UBE3B: variants seen among roughly 807,000 people sequenced by gnomAD.
The protein encoded by UBE3B is ubiquitin protein ligase E3B, also known as ubiquitin-protein ligase E3B.
A neutral mutation model predicts 132.3 loss-of-function variants in UBE3B; 80 were observed. That is an observed-to-expected ratio of 0.60 (90% CI 0.50 to 0.73). The LOEUF (loss-of-function observed/expected upper bound fraction) is 0.73, where lower values mean the gene tolerates loss of function less well. UBE3B is among the 30% of genes least tolerant of loss of function. The probability of loss-of-function intolerance (pLI) is 0.00; values close to 1 mark genes in which losing one functional copy is unlikely to be tolerated. For synonymous variants in UBE3B, 487 were observed against 520.4 expected (o/e 0.94, Z 0.87); for missense variants, 1,196 against 1,362.5 (o/e 0.88, Z 1.92).
At chr12:109,481,255 A>G (rs1875365343) in intron 1 of UBE3B, among the ~76,000 whole-genome samples, 1 of 151,806 alleles carries the variant, frequency 6.6e-6, no homozygotes, top group African/African-American at 2.4e-5. Context: ...AGCAGAAGTT[A>G]TAGTGAGCTG....
At chr12:109,506,254 T>C (rs923036177) in intron 14 of UBE3B, among the ~76,000 whole-genome samples, 1 of 152,222 alleles carries the variant, frequency 6.6e-6, no homozygotes, top group African/African-American at 2.4e-5. Flanking sequence ...AAGGCAAGGG[T>C]CAGCAGACTA....
intron 15 of UBE3B, 22 bp downstream of exon 15, chr12:109,507,757 T>C (rs759485665): frequency 5.6e-6 from 9 of 1,600,844 alleles, no homozygotes; most frequent in Middle Eastern, 1.9e-4. Context: ...GCTGTGGGAC[T>C]GAATTCCTTT....
chr12:109,508,732 T>C (rs1879986948), intron 15 of UBE3B: 4 of 985,448 alleles, frequency 4.1e-6, no homozygotes, highest in Non-Finnish European at 4.8e-6. Context: ...AAGCCAAGAG[T>C]GAATCTTATT....
At chr12:109,479,748 G>A (rs753307359) in intron 1 of UBE3B, among the ~76,000 whole-genome samples, 1 of 152,208 alleles carries the variant, frequency 6.6e-6, no homozygotes, top group Non-Finnish European at 1.5e-5. Context: ...CATTGCTGAA[G>A]GGATAATAAT....
At chr12:109,491,162 T>G in intron 9 of UBE3B, 35 bp downstream of exon 9, 2 of 1,595,192 alleles carry the variant, frequency 1.3e-6, no homozygotes, top group Non-Finnish European at 1.7e-6. Flanking sequence ...TGTTGGCATG[T>G]TCTTGAATGC....
chr12:109,519,614 C>T (rs143711320), intron 19 of UBE3B: 27 of 152,358 alleles, frequency 1.8e-4, no homozygotes, highest in African/African-American at 6.5e-4. Flanking sequence ...TGCAGGCAGA[C>T]AGGAACTTGA....
intron 14 of UBE3B, among the ~76,000 whole-genome samples, chr12:109,503,496 A>T (rs1879261018): frequency 6.6e-6 from 1 of 152,126 alleles, no homozygotes; most frequent in Non-Finnish European, 1.5e-5. Context: ...CAAAAAAAAA[A>T]GGAAAAAGAA....
At position 109,531,207 on chromosome 12, in the gene UBE3B, AT is replaced by A. The variant is rs1160939482; in HGVS notation, c.2922+554del. ...ATTGCTTAGGCTGATATCAAGATGTATTTTTGCAAATAAAGTGGCTGACGTT... is the reference window on the plus strand; with the variant it reads ...ATTGCTTAGGCTGATATCAAGATGTATTTTGCAAATAAAGTGGCTGACGTT... On this transcript the variant is annotated intron_variant, in intron 26 of 27. Coordinates refer to ENST00000342494, the MANE Select transcript of UBE3B (RefSeq NM_130466.4). 2.0e-5 allele frequency among the ~76,000 whole-genome samples: 3 copies of A among 152,256 alleles called. No homozygotes were observed. The East Asian group carries it at 5.8e-4, about 29-fold the overall frequency.
intron 26 of UBE3B, 90 bp from the exon 27 acceptor site, chr12:109,533,376 C>G (rs548927015): frequency 8.1e-7 from 1 of 1,235,692 alleles, no homozygotes; most frequent in Non-Finnish European, 1.2e-6. Context: ...CGGTAACAGA[C>G]AGAGCAAACA....
intron 16 of UBE3B, among the ~76,000 whole-genome samples, chr12:109,510,050 G>C (rs186156942): frequency 6.6e-6 from 1 of 152,300 alleles, no homozygotes; most frequent in African/African-American, 2.4e-5. Context: ...CTTGAGATGA[G>C]AGTCCACCTC....
Position 109,521,085 on chromosome 12 carries a change from A to C in UBE3B, c.2077-63A>C. The C allele has an allele frequency of 6.3e-7, 1 of 1,579,742 alleles. No homozygotes were observed. Among genetic ancestry groups the C allele is most frequent in the Non-Finnish European group, 8.6e-7 (1 of 1,156,496 alleles). On this transcript the variant is annotated intron_variant, in intron 19 of 27. Coordinates refer to ENST00000342494, the MANE Select transcript of UBE3B (RefSeq NM_130466.4). This position sits in a 1 kb window ranked among gnomAD's most constrained non-coding sequence, Gnocchi z 4.2. The stretch of plus-strand genomic sequence containing the variant: ...GGAGAGCTTCGCACAGAGGAGAGGG[A>C]ACCCCGAATTGTGTGCATAAGGCTT...
chr12:109,499,514 A>C (rs1013543092), intron 11 of UBE3B, 119 bp from the exon 12 acceptor site: 1 of 1,012,552 alleles, frequency 9.9e-7, no homozygotes, highest in South Asian at 2.4e-5. Context: ...GGTGCCCCTT[A>C]TGTGGAAATT....
At chr12:109,490,795 G>T in intron 8 of UBE3B, 1 of 1,338,872 alleles carries the variant, frequency 7.5e-7, no homozygotes, top group Non-Finnish European at 9.7e-7. Flanking sequence ...TAAAAACACT[G>T]CATACGGTTT....
chr12:109,543,509 C>T, the UBE3B span, among the ~76,000 whole-genome samples: 5 of 152,314 alleles, frequency 3.3e-5, 1 homozygote, highest in South Asian at 1.0e-3. Context: ...TACCTGGAAT[C>T]GATCCTTTGT....
rs559129517 is a variant in UBE3B, at chr12:109,534,483, G to T, written c.3016-108G>T. On this transcript the variant is annotated intron_variant, in intron 27 of 27. Transcript: ENST00000342494. The surrounding 1 kb of genome is among the most constrained non-coding windows in gnomAD (Gnocchi z 5.2). ...AGGGCAGCGCCCTGCACTCTGCCCA[G>T]CATCCAGGGACTGGCCAGATCCCCT... 2 of 1,485,730 alleles carry T rather than the reference G, an allele frequency of 1.3e-6. No individual in the cohort carries two copies. Among genetic ancestry groups the T allele is most frequent in the South Asian group, 1.4e-5 (1 of 71,724 alleles). 92.0% of individuals were successfully genotyped at this position (1,485,730 alleles called of 1,614,324 possible). A position where few individuals can be genotyped will look rare whatever the true frequency, so the allele number is the denominator to read the frequency against.
intron 26 of UBE3B, among the ~76,000 whole-genome samples, chr12:109,533,122 A>G (rs537819400): frequency 2.0e-5 from 3 of 150,310 alleles, no homozygotes; most frequent in Admixed American, 2.0e-4. Flanking sequence ...GTTCCTCTTA[A>G]CAATCCCACA....
chr12:109,529,195 G>A (rs1882698801), intron 24 of UBE3B, among the ~76,000 whole-genome samples: 1 of 152,094 alleles, frequency 6.6e-6, no homozygotes, highest in African/African-American at 2.4e-5. Flanking sequence ...AAAGAAATTA[G>A]CGATGCTAGC....
At chr12:109,546,468 G>A in the UBE3B span, among the ~76,000 whole-genome samples, 2 of 152,184 alleles carry the variant, frequency 1.3e-5, no homozygotes, top group Admixed American at 1.3e-4. Context: ...CAGTTCAGGG[G>A]ACCTGTGCAG....
In UBE3B at chr12:109,523,238, A is replaced by C. The variant is rs554626494; in HGVS notation, c.2365-740A>C. ...TCCACCCTCCTGCCGCTACCCTGGC[A>C]CAGTCTGTCGGCGTTTTCCCCTGGC... is the stretch of plus-strand genomic sequence containing the variant. On this transcript the variant is annotated intron_variant, in intron 21 of 27. Coordinates refer to ENST00000342494, the MANE Select transcript of UBE3B (RefSeq NM_130466.4). Among the ~76,000 whole-genome samples, 10 of 152,286 alleles carry C rather than the reference A, an allele frequency of 6.6e-5. No homozygotes were observed. In the South Asian group the frequency reaches 1.4e-3, roughly 22 times the overall value.
Sources: gnomAD v4.1 joint callset for allele counts (sites outside exome capture counted in the v4.1 genomes callset) on GRCh38, gnomAD v4.1.1 for gene constraint, Gnocchi (gnomAD v3.1) non-coding constraint, MANE v1.5 for transcripts, NCBI Gene and HGNC (gene_info 2026-07-23, HGNC 2026-07-21) for gene names.